Variants in SI observed in about 807,000 individuals in gnomAD.
SI encodes the protein sucrase-isomaltase, also known as sucrase-isomaltase, intestinal.
Under a neutral mutation model 253.3 loss-of-function variants are expected in SI, and 235 were observed. The observed-to-expected ratio is 0.93, with a 90% CI of 0.83 to 1.03. SI has a LOEUF of 1.03. SI is among the 50% of genes least tolerant of loss of function. SI has a pLI of 0.00. For synonymous variants in SI, 819 were observed against 712.0 expected (o/e 1.15, Z -2.39); for missense variants, 2,442 against 2,211.1 (o/e 1.10, Z -2.09).
Position 164,996,544 on chromosome 3 carries a change from T to C in SI, c.4683A>G (p.Ala1561=), listed in dbSNP as rs1198893331. The part of the protein sequence containing the change: ...FYPYSRNHNI[A]NTRRQDPASW... ...TGTAGTAATTACATACTCTAGTATT[T>C]GCAATGTTGTGATTCCTTGAGTATG... The change falls in exon 40 of 48, where the codon GCA becomes GCG. Residue 1561 remains alanine (A), a synonymous_variant. Transcript: ENST00000264382. 3 of 1,509,796 alleles carry C rather than the reference T, an allele frequency of 2.0e-6. No individual in the cohort carries two copies. The highest frequency in any genetic ancestry group is 2.8e-6 in the Non-Finnish European group (3 of 1,085,598). The allele number at this position is 1,509,796 out of a possible 1,614,324, so 93.5% of individuals were successfully genotyped here. A position where few individuals can be genotyped will look rare whatever the true frequency, so the allele number is the denominator to read the frequency against.
intron 33 of SI, 64 bp downstream of exon 33, chr3:165,015,059 A>T: frequency 7.9e-7 from 1 of 1,268,216 alleles, no homozygotes; most frequent in Admixed American, 1.7e-5. Context: ...TTACTAATTA[A>T]ATGGAAACTT....
intron 26 of SI, among the ~76,000 whole-genome samples, chr3:165,022,775 A>G (rs1336263560): frequency 6.6e-6 from 1 of 151,754 alleles, no homozygotes; most frequent in Non-Finnish European, 1.5e-5. Context: ...AGACAAACTT[A>G]AAAGTTATTT....
intron 36 of SI, among the ~76,000 whole-genome samples, 157 bp from the exon 37 acceptor site, chr3:165,007,111 A>C (rs1227343492): frequency 2.0e-5 from 3 of 152,156 alleles, no homozygotes; most frequent in Non-Finnish European, 4.4e-5. Flanking sequence ...TGAGTTAATT[A>C]TCAACTTAAA....
Position 164,998,531 on chromosome 3 carries a change from T to A in SI, c.4540+9A>T. The A allele has an allele frequency of 6.2e-7, 1 of 1,611,500 alleles. No individual in the cohort carries two copies. The highest frequency in any genetic ancestry group is 8.5e-7 in the Non-Finnish European group (1 of 1,178,158). On this transcript the variant is annotated intron_variant, in intron 38 of 47. Coordinates refer to ENST00000264382, the MANE Select transcript of SI (RefSeq NM_001041.4). ...CAAAATAATAATAAAGATGGTGACT[T>A]TCACTTACCAATGATTGATTTGTCC...
intron 26 of SI, 133 bp downstream of exon 26, chr3:165,023,437 A>AT (rs1237769727): frequency 8.6e-6 from 6 of 700,728 alleles, no homozygotes; most frequent in Admixed American, 2.6e-5. Context: ...AGGAAAAAAT[A>AT]TTTTTATAAA....
intron 3 of SI, 135 bp downstream of exon 3, chr3:165,074,396 G>C: frequency 2.1e-6 from 1 of 482,594 alleles, no homozygotes; most frequent in Non-Finnish European, 3.4e-6. Context: ...TTAATAGGAA[G>C]CTATAATAAA....
chr3:165,076,051 A>G lies in SI; in HGVS notation c.1-39T>C, dbSNP rs553856067. The stretch of plus-strand genomic sequence containing the variant: ...AGAATATATATTTAAAATGTAAAAT[A>G]TATAACTATAATAAACCACCAACAA... On this transcript the variant is annotated intron_variant, in intron 1 of 47. Transcript: ENST00000264382. The G allele has an allele frequency of 2.7e-5, 36 of 1,315,042 alleles. No homozygotes were observed. The Admixed American group carries it at 7.3e-4, about 27-fold the overall frequency. 81.5% of individuals were successfully genotyped at this position (1,315,042 alleles called of 1,614,324 possible).
chr3:165,084,373 G>A, the SI span, among the ~76,000 whole-genome samples: 1 of 152,004 alleles, frequency 6.6e-6, no homozygotes, highest in Non-Finnish European at 1.5e-5. Context: ...AGAAGAGCTG[G>A]TTGATTTCAA....
In SI at chr3:165,058,884, A is replaced by ACG; in HGVS notation, c.1398+78_1398+79insCG. ...TACACACACACACACACACACACACACACGCACATCCACAGAAACTTTATT... is the reference window on the plus strand; with the variant it reads ...TACACACACACACACACACACACACACGCACGCACATCCACAGAAACTTTATT... On this transcript the variant is annotated intron_variant, in intron 12 of 47. Transcript: ENST00000264382. 6.8e-6 allele frequency: 8 copies of ACG among 1,173,500 alleles called. No homozygotes were observed. In the African/African-American group the frequency reaches 1.1e-4, roughly 16 times the overall value. 72.7% of individuals were successfully genotyped at this position (1,173,500 alleles called of 1,614,324 possible).
chr3:165,016,945 C>T (rs1300210251), intron 31 of SI, among the ~76,000 whole-genome samples: 4 of 151,750 alleles, frequency 2.6e-5, no homozygotes, highest in Non-Finnish European at 5.9e-5. Flanking sequence ...TCTGATTTTT[C>T]TTAGAATAAA....
At chr3:165,015,068 T>C (rs1443822984) in intron 33 of SI, 55 bp downstream of exon 33, 10 of 1,361,254 alleles carry the variant, frequency 7.3e-6, no homozygotes, top group Non-Finnish European at 5.2e-6. Context: ...AAATGGAAAC[T>C]TTCATTGAAA....
At chr3:164,993,748 A>G (rs1238382800) in intron 41 of SI, among the ~76,000 whole-genome samples, 5 of 151,742 alleles carry the variant, frequency 3.3e-5, no homozygotes, top group Non-Finnish European at 7.4e-5. Flanking sequence ...TTGGTCATAT[A>G]AAAGTTTGAG....
At chr3:165,085,392 C>T in the SI span, among the ~76,000 whole-genome samples, 2 of 152,136 alleles carry the variant, frequency 1.3e-5, no homozygotes, top group African/African-American at 4.8e-5. Flanking sequence ...CAGCAATCAT[C>T]TTCCAAAACT....
At chr3:164,986,416 T>C (rs1717439574) in intron 45 of SI, among the ~76,000 whole-genome samples, 1 of 152,210 alleles carries the variant, frequency 6.6e-6, no homozygotes, top group Non-Finnish European at 1.5e-5. Context: ...CAGAGGGGTC[T>C]TACCCCATAC....
intron 25 of SI, among the ~76,000 whole-genome samples, chr3:165,025,675 C>T (rs553393689): frequency 1.3e-4 from 19 of 151,364 alleles, no homozygotes; most frequent in South Asian, 4.1e-4. Flanking sequence ...GGGATTGGGG[C>T]GCTGTCTTCA....
intron 25 of SI, 107 bp downstream of exon 25, chr3:165,030,605 T>C: frequency 8.5e-7 from 1 of 1,177,720 alleles, no homozygotes; most frequent in South Asian, 1.3e-5. Context: ...GATTATCTAC[T>C]TGAATTTAGT....
the SI span, among the ~76,000 whole-genome samples, chr3:165,086,730 T>C: frequency 1.4e-4 from 21 of 152,100 alleles, no homozygotes. Flanking sequence ...ACTCAAAGAG[T>C]TACAGGATAT....
chr3:164,989,389 GAAGAAAGAAAGA>G (rs1184335609), intron 44 of SI, among the ~76,000 whole-genome samples: 7 of 59,506 alleles, frequency 1.2e-4, no homozygotes, highest in South Asian at 7.8e-4. Flanking sequence ...AGAAAGAAAG[GAAGAAAGAAAGA>G]AAGAAAGAAA....
At chr3:165,090,226 T>G in the SI span, among the ~76,000 whole-genome samples, 4 of 151,788 alleles carry the variant, frequency 2.6e-5, no homozygotes, top group South Asian at 8.3e-4. Flanking sequence ...ATCTGAAGTC[T>G]GCAGTCTGCA....
Sources: allele counts gnomAD v4.1 joint callset (sites outside exome capture counted in the v4.1 genomes callset), GRCh38; gene constraint gnomAD v4.1.1; transcripts MANE v1.5; gene names NCBI Gene and HGNC (gene_info 2026-07-23, HGNC 2026-07-21).